The following KMO variants were observed in gnomAD, a reference collection of about 807,000 sequenced individuals.
The protein encoded by KMO is kynurenine 3-hydroxylase.
Under a neutral mutation model 57.8 loss-of-function variants are expected in KMO, and 24 were observed. The ratio of observed to expected loss-of-function variants is 0.42; its 90% CI spans 0.30 to 0.58. The LOEUF is 0.58. Ranked by LOEUF, KMO falls within the 20% of genes least tolerant of loss-of-function variation. KMO has a pLI of 0.22. For missense variants in KMO, 483 were observed against 588.2 expected (o/e 0.82, Z 1.85); for synonymous variants, 210 against 193.6 (o/e 1.08, Z -0.70).
At chr1:241,587,501 G>T (rs1446307017) in intron 11 of KMO, among the ~76,000 whole-genome samples, 1 of 152,018 alleles carries the variant, frequency 6.6e-6, no homozygotes, top group Non-Finnish European at 1.5e-5. Context: ...CCATCGCCCA[G>T]GCTGAAGTTC....
chr1:241,594,196 C>T lies in KMO; in HGVS notation c.*2043C>T, dbSNP rs1426944881. ...GAAGATGATGATGTTAGATGCCCAT[C>T]GTGTGCCACAAGTGGTTTTTTCATT... On this transcript the variant is annotated 3_prime_UTR_variant, in exon 15 of 15. Transcript: ENST00000366559. 9.0e-6 allele frequency: 4 copies of T among 446,276 alleles called. No individual in the cohort carries two copies. The highest frequency in any genetic ancestry group is 4.0e-5 in the Admixed American group (1 of 25,108). 27.6% of individuals were successfully genotyped at this position (446,276 alleles called of 1,614,324 possible). A position where few individuals can be genotyped will look rare whatever the true frequency, so the allele number is the denominator to read the frequency against.
chr1:241,562,147 T>G lies in KMO; in HGVS notation c.450-20T>G. 6.2e-7 allele frequency: 1 copy of G among 1,610,360 alleles called. No homozygotes were observed. Among genetic ancestry groups the G allele is most frequent in the South Asian group, 1.1e-5 (1 of 90,898 alleles). On this transcript the variant is annotated intron_variant, in intron 6 of 14. Transcript: ENST00000366559. ...CCACTAGACATATTTTTCTTTTGGA[T>G]GTTTTGTTCTATTTTTCAGATCTGA...
intron 10 of KMO, among the ~76,000 whole-genome samples, chr1:241,582,677 C>G (rs1437444954): frequency 2.6e-5 from 4 of 152,120 alleles, no homozygotes; most frequent in Non-Finnish European, 5.9e-5. Flanking sequence ...TCTGTATTAT[C>G]TTGATGTTTG....
chr1:241,562,372 T>C, intron 7 of KMO, 40 bp downstream of exon 7: 1 of 1,604,266 alleles, frequency 6.2e-7, no homozygotes, highest in South Asian at 1.1e-5. Context: ...CCACAACCCT[T>C]GCTCCATGAG....
At chr1:241,588,721 T>C (rs367627959) in intron 11 of KMO, 27 bp from the exon 12 acceptor site, 270 of 1,546,224 alleles carry the variant, frequency 1.7e-4, no homozygotes, top group Non-Finnish European at 2.3e-4. Flanking sequence ...TAGAAGGTTT[T>C]GGAAAGATGT....
chr1:241,569,141 C>A (rs1662187105), intron 10 of KMO, among the ~76,000 whole-genome samples: 1 of 152,020 alleles, frequency 6.6e-6, no homozygotes, highest in South Asian at 2.1e-4. Context: ...TCTGTCACCT[C>A]AAGCATTTAT....
chr1:241,562,906 GGAAGGAAGGAAA>G (rs1304227822), intron 7 of KMO, among the ~76,000 whole-genome samples: 6,770 of 60,200 alleles, frequency 0.11, 340 homozygotes, highest in East Asian at 0.19. Flanking sequence ...AAGGAAGGAA[GGAAGGAAGGAAA>G]GAAGGAAGGA....
chr1:241,535,578 T>TA (rs892038015), intron 1 of KMO, among the ~76,000 whole-genome samples: 56 of 152,098 alleles, frequency 3.7e-4, no homozygotes, highest in Admixed American at 9.8e-4. Context: ...AACAAACCAG[T>TA]AAAAAAACTC....
chr1:241,588,884 A>G, intron 12 of KMO, 54 bp downstream of exon 12: 1 of 1,307,278 alleles, frequency 7.6e-7, no homozygotes, highest in Non-Finnish European at 1.1e-6. Context: ...ATATTCTAAC[A>G]AGTGTTCTTT....
chr1:241,549,274 G>GA lies in KMO; in HGVS notation c.124+378dup, dbSNP rs1558415023. ...GAAAGAAAGAAAGAAAGAAAGGAAGGAAGAAAGAAAGAAAGGAGAAAGAGC... is the reference window on the plus strand; with the variant it reads ...GAAAGAAAGAAAGAAAGAAAGGAAGGAAAGAAAGAAAGAAAGGAGAAAGAGC... On this transcript the variant is annotated intron_variant, in intron 2 of 14. Transcript: ENST00000366559. 1.8e-3 allele frequency among the ~76,000 whole-genome samples: 81 copies of GA among 44,372 alleles called. 2 individuals carry two copies. The highest frequency in any genetic ancestry group is 5.5e-3 in the African/African-American group (72 of 13,164). 29.1% of individuals were successfully genotyped at this position (44,372 alleles called of 152,430 possible). A position where few individuals can be genotyped will look rare whatever the true frequency, so the allele number is the denominator to read the frequency against.
intron 1 of KMO, among the ~76,000 whole-genome samples, chr1:241,546,136 T>C (rs984454481): frequency 3.9e-5 from 6 of 152,160 alleles, no homozygotes; most frequent in East Asian, 3.9e-4. Context: ...CCTTGGATCA[T>C]TGGTTTCCTT....
At chr1:241,538,478 C>T (rs114531696) in intron 1 of KMO, among the ~76,000 whole-genome samples, 3,749 of 152,278 alleles carry the variant, frequency 0.025, 71 homozygotes, top group Admixed American at 0.059. Flanking sequence ...ATGCCAGAGA[C>T]GTTGTCTATA....
intron 10 of KMO, among the ~76,000 whole-genome samples, chr1:241,584,503 G>T (rs774424318): frequency 1.4e-4 from 21 of 152,170 alleles, no homozygotes; most frequent in Non-Finnish European, 2.9e-4. Context: ...AAACCTGATT[G>T]ACAAGGTTGA....
At chr1:241,579,466 C>T (rs1469967142) in intron 10 of KMO, among the ~76,000 whole-genome samples, 7 of 152,022 alleles carry the variant, frequency 4.6e-5, no homozygotes, top group Admixed American at 3.3e-4. Flanking sequence ...ACTAAGGTAA[C>T]GCTTCAGGGA....
chr1:241,566,567 A>C lies in KMO; in HGVS notation c.764A>C (p.Asp255Ala). ...CTTCTAACCAGTAATGATGTGGTAG[A>C]TTTCTTCCAGAAATACTTTCCGGAT... is the stretch of plus-strand genomic sequence containing the variant. ...EKLLTSNDVV[D>A]FFQKYFPDAI... Residue 255 changes from aspartate (D) to alanine (A), a missense_variant, in exon 9 of 15, where the codon GAT (aspartate) becomes GCT (alanine). Physicochemically the swap from Asp to Ala is moderately radical, Grantham distance 126 (BLOSUM62 -2). Coordinates refer to ENST00000366559, the MANE Select transcript of KMO (RefSeq NM_003679.5). The C allele has an allele frequency of 3.7e-6, 6 of 1,613,858 alleles. No individual in the cohort carries two copies. The South Asian group carries it at 6.6e-5, about 18-fold the overall frequency.
intron 10 of KMO, among the ~76,000 whole-genome samples, chr1:241,585,288 A>T (rs1458449191): frequency 7.9e-5 from 12 of 152,140 alleles, no homozygotes; most frequent in Non-Finnish European, 1.6e-4. Context: ...TGTCTACCTC[A>T]GAGAGTTGTG....
chr1:241,594,668 A>G lies in KMO; in HGVS notation c.*2515A>G, dbSNP rs1330252879. On this transcript the variant is annotated 3_prime_UTR_variant, in exon 15 of 15. Coordinates refer to ENST00000366559, the MANE Select transcript of KMO (RefSeq NM_003679.5). ...GGCACCTCAGCAGTCGGAGGCACAGAAGCTGCAAAAGGGATCTTCGAAACT... is the reference window on the plus strand; with the variant it reads ...GGCACCTCAGCAGTCGGAGGCACAGGAGCTGCAAAAGGGATCTTCGAAACT... The G allele has an allele frequency of 1.2e-6, 2 of 1,613,658 alleles. No homozygotes were observed. Among genetic ancestry groups the G allele is most frequent in the African/African-American group, 2.7e-5 (2 of 74,922 alleles).
chr1:241,560,694 C>G lies in KMO; in HGVS notation c.391C>G (p.His131Asp), dbSNP rs1247454827. 1 of 1,613,416 alleles carries G rather than the reference C, an allele frequency of 6.2e-7. No homozygotes were observed. Among genetic ancestry groups the G allele is most frequent in the Non-Finnish European group, 8.5e-7 (1 of 1,179,408 alleles). Residue 131 changes from histidine to aspartate, a missense_variant, in exon 6 of 15, where the codon CAC (histidine) becomes GAC (aspartate). Physicochemically the swap from His to Asp is moderately conservative, Grantham distance 81 (BLOSUM62 -1). Around this residue, in one of 3 missense-constraint regions of KMO, gnomAD observed 410 missense variants for 492.3 expected, o/e 0.83. Coordinates refer to ENST00000366559, the MANE Select transcript of KMO (RefSeq NM_003679.5). ...TGAGAAATACCCCAATGTGAAAATG[C>G]ACTTTAACCACAGGCTGTTGAAATG... ...AAEKYPNVKMHFNHRLLKCNP... is the reference protein window; with the variant it reads ...AAEKYPNVKMDFNHRLLKCNP...
rs564407640 is a variant in KMO at position 241,590,001 on chromosome 1, C to T, written c.1099-11C>T. 1.6e-5 allele frequency: 25 copies of T among 1,604,078 alleles called. No individual in the cohort carries two copies. In the South Asian group the frequency reaches 2.5e-4, roughly 16 times the overall value. On this transcript the variant is annotated splice_polypyrimidine_tract_variant and intron_variant, in intron 12 of 14. Transcript: ENST00000366559. ...GTTCAAAAGCGTTCTTTAAGACTGT[C>T]ATTATTGCAGATGCGAGCACATGTC...
Sources: allele counts gnomAD v4.1 joint callset (sites outside exome capture counted in the v4.1 genomes callset), GRCh38; gene constraint gnomAD v4.1.1; regional missense constraint gnomAD v4.1.1; transcripts MANE v1.5; gene names NCBI Gene and HGNC (gene_info 2026-07-23, HGNC 2026-07-21).